GABRB1: variants seen among roughly 807,000 people sequenced by gnomAD.
The protein encoded by GABRB1 is gamma-aminobutyric acid receptor subunit beta-1.
Under a neutral mutation model 51.6 loss-of-function variants are expected in GABRB1, and 17 were observed. That is an observed-to-expected ratio of 0.33 (90% CI 0.23 to 0.49). The LOEUF (loss-of-function observed/expected upper bound fraction) is 0.49, where lower values mean the gene tolerates loss of function less well. GABRB1 is among the 20% of genes least tolerant of loss of function. The pLI is 0.99. For missense variants in GABRB1, 410 were observed against 600.6 expected (o/e 0.68, Z 3.32); for synonymous variants, 247 against 218.9 (o/e 1.13, Z -1.14).
intron 4 of GABRB1, among the ~76,000 whole-genome samples, chr4:47,204,019 G>A (rs2109801025): frequency 6.6e-6 from 1 of 152,262 alleles, no homozygotes; most frequent in South Asian, 2.1e-4. Flanking sequence ...CTCTCCCTCT[G>A]AAATTACAGT....
chr4:47,052,415 CACAA>C (rs1282784842), intron 3 of GABRB1, among the ~76,000 whole-genome samples: 3 of 152,218 alleles, frequency 2.0e-5, no homozygotes, highest in Non-Finnish European at 4.4e-5. Context: ...GTGATACCCA[CACAA>C]ACAAACACAC....
At chr4:47,015,291 T>A (rs1040500320) in intron 1 of GABRB1, among the ~76,000 whole-genome samples, 2 of 152,210 alleles carry the variant, frequency 1.3e-5, no homozygotes, top group Non-Finnish European at 2.9e-5. Context: ...TAATATAGAA[T>A]AACAATATGT....
chr4:47,059,858 C>T (rs748589424), intron 3 of GABRB1, among the ~76,000 whole-genome samples: 10 of 152,162 alleles, frequency 6.6e-5, no homozygotes, highest in South Asian at 2.1e-4. Context: ...CTTATTCAAC[C>T]GCTTGCTGGT....
intron 8 of GABRB1, among the ~76,000 whole-genome samples, chr4:47,409,003 A>C (rs1415222638): frequency 6.6e-6 from 1 of 152,198 alleles, no homozygotes; most frequent in East Asian, 1.9e-4. Context: ...AATGTTCTCT[A>C]GGGAGAGTAA....
chr4:47,023,991 T>G (rs988904567), intron 1 of GABRB1, among the ~76,000 whole-genome samples: 1 of 151,980 alleles, frequency 6.6e-6, no homozygotes, highest in Non-Finnish European at 1.5e-5. Context: ...CAATGCCATC[T>G]AGATTGTTAT....
At chr4:47,070,783 T>C (rs111245011) in intron 3 of GABRB1, among the ~76,000 whole-genome samples, 44 of 152,290 alleles carry the variant, frequency 2.9e-4, no homozygotes, top group African/African-American at 1.0e-3. Context: ...CAGGTTTCAT[T>C]CTTTAGACCT....
chr4:47,327,457 T>C (rs1396928326), intron 5 of GABRB1, among the ~76,000 whole-genome samples: 1 of 152,242 alleles, frequency 6.6e-6, no homozygotes, highest in Non-Finnish European at 1.5e-5. Context: ...TTTAGGAATT[T>C]TGAAGGGTGG....
intron 3 of GABRB1, among the ~76,000 whole-genome samples, chr4:47,070,769 ATCCCAGGTT>A (rs577732771): frequency 5.7e-4 from 87 of 152,288 alleles, no homozygotes; most frequent in South Asian, 1.9e-3. Flanking sequence ...ACTTTGAGCT[ATCCCAGGTT>A]TCATTCTTTA....
chr4:47,298,696 T>C (rs1238040520), intron 4 of GABRB1, among the ~76,000 whole-genome samples: 2 of 152,182 alleles, frequency 1.3e-5, no homozygotes, highest in Admixed American at 1.3e-4. Flanking sequence ...GCCATCCCCA[T>C]TAAGCTACCA....
intron 3 of GABRB1, among the ~76,000 whole-genome samples, chr4:47,112,461 G>A (rs1256841169): frequency 6.6e-6 from 1 of 152,186 alleles, no homozygotes; most frequent in African/African-American, 2.4e-5. Context: ...TGGCTTTGGA[G>A]GGAATAAGGC....
intron 4 of GABRB1, among the ~76,000 whole-genome samples, chr4:47,191,409 A>G (rs1366473512): frequency 1.3e-5 from 2 of 152,128 alleles, no homozygotes; most frequent in Admixed American, 1.3e-4. Flanking sequence ...TTCACCCCCT[A>G]ACTGTTCCAA....
intron 4 of GABRB1, among the ~76,000 whole-genome samples, chr4:47,163,048 T>C (rs1718029230): frequency 6.6e-6 from 1 of 152,054 alleles, no homozygotes; most frequent in Admixed American, 6.6e-5. Context: ...GGAAAGGCCA[T>C]AAGGTATAGC....
In GABRB1 at chr4:47,012,470, C is replaced by T. The variant is rs58781943; in HGVS notation, c.-20+18544C>T. Among the ~76,000 whole-genome samples the T allele has an allele frequency of 8.4e-3, 1,279 of 152,224 alleles. 17 individuals are homozygous for T. The highest frequency in any genetic ancestry group is 0.029 in the African/African-American group (1,189 of 41,542). ...GGTATTTGGTTTTCTCTTCCTGCCT[C>T]AGTTTGCTAAGGATAATGGTCTCCA... On this transcript the variant is annotated intron_variant, in intron 1 of 3. Transcript: ENST00000513567.
At chr4:47,007,933 A>AGCTGAGAT (rs1724461085) in intron 1 of GABRB1, among the ~76,000 whole-genome samples, 1 of 142,268 alleles carries the variant, frequency 7.0e-6, no homozygotes, top group East Asian at 2.0e-4. Context: ...TTCTGGTTAC[A>AGCTGAGAT]GCTGAGATGC....
intron 5 of GABRB1, among the ~76,000 whole-genome samples, chr4:47,377,379 G>A (rs1194316606): frequency 1.4e-5 from 2 of 140,068 alleles, no homozygotes; most frequent in South Asian, 2.1e-4. Context: ...CGTCGTGTCC[G>A]GAGTTTGTTC....
At position 47,085,545 on chromosome 4, in the gene GABRB1, T is replaced by C. The variant is rs572130057; in HGVS notation, c.240+53061T>C. The stretch of plus-strand genomic sequence containing the variant: ...GGATTGAAACAGTATACGGAACTAG[T>C]GTAAACAACAAATTTAGAACAGCAA... On this transcript the variant is annotated intron_variant, in intron 3 of 8. Coordinates refer to ENST00000295454, the MANE Select transcript of GABRB1 (RefSeq NM_000812.4). 2.0e-5 allele frequency among the ~76,000 whole-genome samples: 3 copies of C among 152,212 alleles called. No individual in the cohort carries two copies. In the East Asian group the frequency reaches 5.8e-4, roughly 29 times the overall value.
Position 47,106,632 on chromosome 4 carries a change from C to A in GABRB1, c.241-54617C>A, listed in dbSNP as rs150178362. Among the ~76,000 whole-genome samples, 421 of 152,042 alleles carry A rather than the reference C, an allele frequency of 2.8e-3. 4 individuals carry two copies. Among genetic ancestry groups the A allele is most frequent in the Non-Finnish European group, 3.1e-3 (209 of 67,958 alleles). ...CCAACCAACTCTTGTTGGGTTTGGT[C>A]TACATTAGCCTTGGTCTACATTAAC... is the stretch of plus-strand genomic sequence containing the variant. On this transcript the variant is annotated intron_variant, in intron 3 of 8. Coordinates refer to ENST00000295454, the MANE Select transcript of GABRB1 (RefSeq NM_000812.4).
At chr4:47,041,638 C>T (rs1159571290) in intron 3 of GABRB1, among the ~76,000 whole-genome samples, 1 of 152,052 alleles carries the variant, frequency 6.6e-6, no homozygotes, top group Non-Finnish European at 1.5e-5. Flanking sequence ...ACAGATTTGT[C>T]GAAAGCTCAG....
chr4:47,199,095 C>T (rs925542117), intron 4 of GABRB1, among the ~76,000 whole-genome samples: 2 of 152,140 alleles, frequency 1.3e-5, no homozygotes, highest in African/African-American at 2.4e-5. Context: ...ATATCAATTT[C>T]GAAGCAACGT....
Sources: allele counts gnomAD v4.1 joint callset (sites outside exome capture counted in the v4.1 genomes callset), GRCh38; gene constraint gnomAD v4.1.1; transcripts MANE v1.5; gene names NCBI Gene and HGNC (gene_info 2026-07-23, HGNC 2026-07-21).